Variants in MGAT4C observed in about 807,000 individuals in gnomAD.
MGAT4C encodes MGAT4 family member C.
In MGAT4C, 19 loss-of-function variants were observed where a neutral mutation model predicts 40.1. The observed-to-expected ratio is 0.47, with a 90% CI of 0.33 to 0.70. MGAT4C has a LOEUF of 0.70. Among genes scored for constraint, MGAT4C ranks in the 30% least tolerant of loss-of-function variants. MGAT4C has a pLI of 0.02. For synonymous variants in MGAT4C, 181 were observed against 187.1 expected (o/e 0.97, Z 0.27); for missense variants, 491 against 563.2 (o/e 0.87, Z 1.30).
intron 1 of MGAT4C, among the ~76,000 whole-genome samples, chr12:86,199,170 T>C (rs1038064396): frequency 2.6e-5 from 4 of 152,172 alleles, no homozygotes; most frequent in Non-Finnish European, 4.4e-5. Flanking sequence ...CATATGGCTA[T>C]AACTTTTGAT....
intron 2 of MGAT4C, among the ~76,000 whole-genome samples, chr12:86,501,223 GAGA>G (rs1172973287): frequency 6.6e-6 from 1 of 151,990 alleles, no homozygotes; most frequent in African/African-American, 2.4e-5. Flanking sequence ...ATATTAAAAA[GAGA>G]AGAAGAGAAA....
At position 85,969,775 on chromosome 12, in the gene MGAT4C, GCTCT is replaced by G. The variant is rs775607074; in HGVS notation, c.*9510_*9513del. On this transcript the variant is annotated 3_prime_UTR_variant, in exon 5 of 5. Transcript: ENST00000611864. ...GAATTACACAAACCTGAAATCCAAT[GCTCT>G]CTCTTTCATTTATTAGTTATGTGAC... 5 of 151,440 alleles carry G rather than the reference GCTCT, an allele frequency of 3.3e-5. No individual in the cohort carries two copies. The highest frequency in any genetic ancestry group is 2.1e-4 in the South Asian group (1 of 4,822). The allele number at this position is 151,440 out of a possible 1,614,324, so 9.4% of individuals were successfully genotyped here. A position where few individuals can be genotyped will look rare whatever the true frequency, so the allele number is the denominator to read the frequency against.
chr12:86,529,703 G>T (rs1958946320), intron 2 of MGAT4C, among the ~76,000 whole-genome samples: 1 of 151,836 alleles, frequency 6.6e-6, no homozygotes. Context: ...CATAGCAGAA[G>T]CTTCCAAAGT....
chr12:86,477,093 T>C (rs1957848041), intron 2 of MGAT4C, among the ~76,000 whole-genome samples: 1 of 151,476 alleles, frequency 6.6e-6, no homozygotes, highest in Admixed American at 6.6e-5. Context: ...AAAATAAATA[T>C]ATATATATTT....
chr12:86,283,805 T>C (rs2136120749), intron 4 of MGAT4C, among the ~76,000 whole-genome samples: 1 of 152,256 alleles, frequency 6.6e-6, no homozygotes, highest in East Asian at 1.9e-4. Context: ...GTGACATGTT[T>C]ATAGCTGTTG....
chr12:86,045,834 A>C (rs945375609), intron 2 of MGAT4C, among the ~76,000 whole-genome samples: 2 of 152,250 alleles, frequency 1.3e-5, no homozygotes, highest in Admixed American at 1.3e-4. Flanking sequence ...ATTTCCACAC[A>C]AAATTCCATC....
intron 4 of MGAT4C, among the ~76,000 whole-genome samples, chr12:86,288,217 T>C (rs1953405457): frequency 6.6e-6 from 1 of 152,200 alleles, no homozygotes; most frequent in Non-Finnish European, 1.5e-5. Flanking sequence ...TGTAAATTTG[T>C]TTAAGTTCCT....
At chr12:86,407,422 GATT>G (rs980232962) in intron 3 of MGAT4C, among the ~76,000 whole-genome samples, 2 of 151,942 alleles carry the variant, frequency 1.3e-5, no homozygotes, top group Non-Finnish European at 2.9e-5. Flanking sequence ...GTGAGAAAAT[GATT>G]ATATTATATT....
chr12:85,965,647 T>C lies in MGAT4C; in HGVS notation c.*13642A>G, dbSNP rs1214359357. The C allele has an allele frequency of 4.3e-5, 6 of 140,640 alleles. No individual in the cohort carries two copies. The highest frequency in any genetic ancestry group is 9.3e-5 in the Non-Finnish European group (6 of 64,748). The allele number at this position is 140,640 out of a possible 1,614,324, so 8.7% of individuals were successfully genotyped here. ...GACACTCTGAACAATTGAACAAGAC[T>C]ACGCTGAAAGGCAGAGAAGAAGTAA... On this transcript the variant is annotated 3_prime_UTR_variant, in exon 5 of 5. Coordinates refer to ENST00000611864, the MANE Select transcript of MGAT4C (RefSeq NM_001351288.2).
chr12:86,260,675 G>C (rs1033181610), upstream of MGAT4C, among the ~76,000 whole-genome samples: 38 of 152,140 alleles, frequency 2.5e-4, no homozygotes, highest in African/African-American at 8.7e-4. Context: ...AGATTCTTCT[G>C]TTCAATTATT....
At chr12:86,187,549 T>C (rs1888898237) in intron 1 of MGAT4C, among the ~76,000 whole-genome samples, 1 of 148,080 alleles carries the variant, frequency 6.8e-6, no homozygotes, top group Admixed American at 6.7e-5. Flanking sequence ...TTCTAGAATG[T>C]CACATAATAA....
chr12:86,807,440 G>A (rs935033392), intron 1 of MGAT4C, among the ~76,000 whole-genome samples: 4 of 151,916 alleles, frequency 2.6e-5, no homozygotes, highest in Non-Finnish European at 5.9e-5. Flanking sequence ...CTATGTTCCT[G>A]CAAGGACATG....
intron 2 of MGAT4C, among the ~76,000 whole-genome samples, chr12:86,442,097 A>T (rs1201212554): frequency 6.6e-6 from 1 of 152,174 alleles, no homozygotes; most frequent in Non-Finnish European, 1.5e-5. Context: ...ATGGCCAGTG[A>T]TGATGAGCAT....
Position 86,474,454 on chromosome 12 carries a change from G to A in MGAT4C, c.-228-39189C>T, listed in dbSNP as rs575297657. On this transcript the variant is annotated intron_variant, in intron 2 of 7. Coordinates refer to the MGAT4C transcript ENST00000548651. ...GTTAATGGGTGCAGCACACCAGCAT[G>A]GCACATGTATACATATGTAACAAAC... Among the ~76,000 whole-genome samples the A allele has an allele frequency of 1.1e-4, 17 of 151,472 alleles. No homozygotes were observed. The East Asian group carries it at 3.3e-3, about 30-fold the overall frequency.
chr12:86,456,727 T>C (rs531556791), intron 2 of MGAT4C, among the ~76,000 whole-genome samples: 6 of 152,216 alleles, frequency 3.9e-5, no homozygotes, highest in African/African-American at 1.2e-4. Context: ...AATTTATCTA[T>C]ATAATCAGGA....
intron 1 of MGAT4C, among the ~76,000 whole-genome samples, chr12:86,757,754 C>A (rs1951331163): frequency 6.6e-6 from 1 of 152,064 alleles, no homozygotes; most frequent in Non-Finnish European, 1.5e-5. Flanking sequence ...CAGTAGAAAC[C>A]CTAGATTTGT....
chr12:86,838,292 T>C (rs1388312762), intron 1 of MGAT4C, among the ~76,000 whole-genome samples: 2 of 152,192 alleles, frequency 1.3e-5, no homozygotes, highest in Non-Finnish European at 2.9e-5. Context: ...AATACTATGA[T>C]TGTTTTAAAA....
At chr12:86,452,769 C>A (rs1247060849) in intron 2 of MGAT4C, among the ~76,000 whole-genome samples, 1 of 152,056 alleles carries the variant, frequency 6.6e-6, no homozygotes, top group Admixed American at 6.6e-5. Flanking sequence ...TGCTTAGTAA[C>A]TTTGACTCCA....
At chr12:86,209,632 A>G (rs1355433165) in intron 1 of MGAT4C, among the ~76,000 whole-genome samples, 1 of 152,144 alleles carries the variant, frequency 6.6e-6, no homozygotes, top group Non-Finnish European at 1.5e-5. Flanking sequence ...ACATTTCTCA[A>G]CATGATTTTA....
Sources: allele counts gnomAD v4.1 joint callset (sites outside exome capture counted in the v4.1 genomes callset), GRCh38; gene constraint gnomAD v4.1.1; transcripts MANE v1.5; gene names NCBI Gene and HGNC (gene_info 2026-07-23, HGNC 2026-07-21).